The following NCAM1 variants were observed in gnomAD, a reference collection of about 807,000 sequenced individuals.
NCAM1 encodes neural cell adhesion molecule 1.
Under a neutral mutation model 109.8 loss-of-function variants are expected in NCAM1, and 14 were observed. The observed-to-expected ratio is 0.13, with a 90% CI of 0.08 to 0.20. NCAM1 has a LOEUF of 0.20. Ranked by LOEUF, NCAM1 falls within the 10% of genes least tolerant of loss-of-function variation. The pLI is 1.00. For missense variants in NCAM1, 774 were observed against 1,109.9 expected (o/e 0.70, Z 4.30); for synonymous variants, 418 against 442.9 (o/e 0.94, Z 0.70).
At chr11:113,158,611 A>G (rs1049607935) in intron 1 of NCAM1, among the ~76,000 whole-genome samples, 4 of 152,180 alleles carry the variant, frequency 2.6e-5, no homozygotes, top group African/African-American at 9.7e-5. Flanking sequence ...GCATTGTACA[A>G]TGTCCTGGTT....
intron 1 of NCAM1, among the ~76,000 whole-genome samples, chr11:113,122,609 C>A (rs1555096313): frequency 6.6e-6 from 1 of 152,046 alleles, no homozygotes; most frequent in Non-Finnish European, 1.5e-5. Context: ...CGTGTAGAAA[C>A]CCCATCTCTA....
chr11:113,024,302 G>A (rs1952477302), intron 1 of NCAM1, among the ~76,000 whole-genome samples: 1 of 152,178 alleles, frequency 6.6e-6, no homozygotes, highest in African/African-American at 2.4e-5. Flanking sequence ...GCGAAAATTT[G>A]GAGGCAACAG....
intron 1 of NCAM1, among the ~76,000 whole-genome samples, chr11:113,082,900 A>T (rs1651352388): frequency 1.3e-5 from 2 of 152,234 alleles, no homozygotes; most frequent in African/African-American, 4.8e-5. Flanking sequence ...GCACGTCTAT[A>T]GTACTGTGAG....
intron 1 of NCAM1, among the ~76,000 whole-genome samples, chr11:113,198,972 G>T (rs1368942875): frequency 6.6e-6 from 1 of 152,206 alleles, no homozygotes; most frequent in Non-Finnish European, 1.5e-5. Context: ...TGGAAAGTGT[G>T]AACTGTCCAC....
Position 113,204,299 on chromosome 11 carries a change from C to A in NCAM1, c.141C>A (p.Ala47=). The change falls in exon 3 of 20, where the codon GCC becomes GCA. Residue 47 remains alanine (A), a synonymous_variant. Transcript: ENST00000316851. ...KFFLCQVAGD[A]KDKDISWFSP... ...CTTCCTCTTTAGTGGCAGGAGATGC[C>A]AAAGATAAAGACATCTCCTGGTTCT... is the stretch of plus-strand genomic sequence containing the variant. 6.2e-7 allele frequency: 1 copy of A among 1,611,630 alleles called. No individual in the cohort carries two copies. Among genetic ancestry groups the A allele is most frequent in the Non-Finnish European group, 8.5e-7 (1 of 1,178,946 alleles).
chr11:112,961,805 C>T (rs548543635), intron 1 of NCAM1, 141 bp downstream of exon 1: 4 of 657,312 alleles, frequency 6.1e-6, no homozygotes, highest in Non-Finnish European at 1.1e-5. Context: ...GAAAGGAGCG[C>T]GTCGCCCTTG....
At chr11:113,129,982 G>GCA (rs1941325962) in intron 1 of NCAM1, among the ~76,000 whole-genome samples, 1 of 152,162 alleles carries the variant, frequency 6.6e-6, no homozygotes, top group Admixed American at 6.5e-5. Context: ...TTTTTTAACA[G>GCA]CACTAACAGC....
chr11:113,051,615 T>C (rs1329598156), intron 1 of NCAM1, among the ~76,000 whole-genome samples: 1 of 152,202 alleles, frequency 6.6e-6, no homozygotes, highest in Non-Finnish European at 1.5e-5. Context: ...TAAACTATAT[T>C]TTTCATATTG....
At chr11:113,234,324 C>T (rs773815554) in intron 13 of NCAM1, among the ~76,000 whole-genome samples, 11 of 151,250 alleles carry the variant, frequency 7.3e-5, no homozygotes, top group African/African-American at 9.7e-5. Context: ...ATACATTTTA[C>T]GTTCCATCAT....
At chr11:113,234,750 A>C (rs781847948) in intron 13 of NCAM1, among the ~76,000 whole-genome samples, 1 of 152,150 alleles carries the variant, frequency 6.6e-6, no homozygotes, top group African/African-American at 2.4e-5. Flanking sequence ...TGCTGTGAAC[A>C]TGGGTAGCCC....
At chr11:113,068,573 C>T (rs1284360901) in intron 1 of NCAM1, among the ~76,000 whole-genome samples, 1 of 152,156 alleles carries the variant, frequency 6.6e-6, no homozygotes, top group African/African-American at 2.4e-5. Flanking sequence ...TCATTTCATC[C>T]AGTTTTACAG....
intron 1 of NCAM1, among the ~76,000 whole-genome samples, chr11:113,046,067 A>G (rs1555080747): frequency 1.3e-5 from 2 of 152,200 alleles, no homozygotes; most frequent in Non-Finnish European, 2.9e-5. Flanking sequence ...GAGACAGCAC[A>G]GTTTGATAAT....
intron 1 of NCAM1, among the ~76,000 whole-genome samples, chr11:112,989,253 C>A (rs1384565575): frequency 1.3e-5 from 2 of 152,048 alleles, no homozygotes; most frequent in Non-Finnish European, 2.9e-5. Flanking sequence ...TATTTGTATG[C>A]TTGGTGGTGT....
At chr11:113,248,196 T>A (rs1310383331) in intron 15 of NCAM1, among the ~76,000 whole-genome samples, 3 of 149,162 alleles carry the variant, frequency 2.0e-5, no homozygotes, top group Non-Finnish European at 3.0e-5. Context: ...TTAGCAGTCA[T>A]CTTGGCTGTT....
rs1470433148 is a variant in NCAM1 at position 113,277,835 on chromosome 11, A to AAG, written c.*2451_*2452dup. On this transcript the variant is annotated 3_prime_UTR_variant, in exon 20 of 20. Coordinates refer to ENST00000316851, the MANE Select transcript of NCAM1 (RefSeq NM_181351.5). ...TACACATAGGTTTGTCTCAGCATGC[A>AAG]AGAGTTTTTCCTTTAAAAAAAAAAA... is the stretch of plus-strand genomic sequence containing the variant. 4 of 122,778 alleles carry AAG rather than the reference A, an allele frequency of 3.3e-5. No individual in the cohort carries two copies. Among genetic ancestry groups the AAG allele is most frequent in the African/African-American group, 1.0e-4 (3 of 28,790 alleles). 7.6% of individuals were successfully genotyped at this position (122,778 alleles called of 1,614,324 possible).
At chr11:113,275,064 C>G (rs1400136755) in intron 19 of NCAM1, among the ~76,000 whole-genome samples, 1 of 152,182 alleles carries the variant, frequency 6.6e-6, no homozygotes, top group Non-Finnish European at 1.5e-5. Flanking sequence ...TGTGTCCGGA[C>G]CAATTAAATC....
intron 1 of NCAM1, among the ~76,000 whole-genome samples, chr11:113,155,512 AAAAAAAAC>A (rs1942376626): frequency 6.6e-6 from 1 of 151,942 alleles, no homozygotes; most frequent in South Asian, 2.1e-4. Flanking sequence ...CCATCTTAAA[AAAAAAAAC>A]AAAAAACAAA....
At chr11:113,023,760 G>A (rs143075006) in intron 1 of NCAM1, among the ~76,000 whole-genome samples, 53 of 152,232 alleles carry the variant, frequency 3.5e-4, no homozygotes, top group African/African-American at 1.3e-3. Flanking sequence ...TTTTAATGAT[G>A]TTGAGTGAAA....
intron 1 of NCAM1, among the ~76,000 whole-genome samples, chr11:113,071,884 C>G (rs1938282369): frequency 6.6e-6 from 1 of 152,148 alleles, no homozygotes; most frequent in Admixed American, 6.5e-5. Flanking sequence ...GTGGCTCACA[C>G]CTGTAATTCC....
Sources: gnomAD v4.1 joint callset for allele counts (sites outside exome capture counted in the v4.1 genomes callset) on GRCh38, gnomAD v4.1.1 for gene constraint, MANE v1.5 for transcripts, NCBI Gene and HGNC (gene_info 2026-07-23, HGNC 2026-07-21) for gene names.